CADPS2: variants seen among roughly 807,000 people sequenced by gnomAD.
CADPS2 encodes the protein calcium-dependent secretion activator 2.
Under a neutral mutation model 172.5 loss-of-function variants are expected in CADPS2, and 93 were observed. That is an observed-to-expected ratio of 0.54 (90% CI 0.46 to 0.64). The LOEUF (loss-of-function observed/expected upper bound fraction) is 0.64, where lower values mean the gene tolerates loss of function less well. Ranked by LOEUF, CADPS2 falls within the 30% of genes least tolerant of loss-of-function variation. CADPS2 has a pLI of 0.00. For missense variants in CADPS2, 1,420 were observed against 1,565.9 expected (o/e 0.91, Z 1.57); for synonymous variants, 546 against 555.2 (o/e 0.98, Z 0.23).
At chr7:122,538,224 C>T (rs11984359) in intron 8 of CADPS2, among the ~76,000 whole-genome samples, 2,305 of 151,148 alleles carry the variant, frequency 0.015, 59 homozygotes, top group African/African-American at 0.052. Context: ...GGTTAATATA[C>T]CTTTGATTCC....
intron 1 of CADPS2, among the ~76,000 whole-genome samples, chr7:122,836,420 C>G (rs971560636): frequency 6.6e-6 from 1 of 151,958 alleles, no homozygotes; most frequent in Non-Finnish European, 1.5e-5. Context: ...ATCAAATTCA[C>G]ACATAACAAT....
chr7:122,656,632 A>C (rs972132877), intron 3 of CADPS2, among the ~76,000 whole-genome samples: 1 of 152,122 alleles, frequency 6.6e-6, no homozygotes, highest in Non-Finnish European at 1.5e-5. Flanking sequence ...ACACTTTACC[A>C]CAATACCAAC....
intron 1 of CADPS2, chr7:122,850,330 C>T: frequency 2.3e-6 from 1 of 443,188 alleles, no homozygotes; most frequent in South Asian, 4.9e-5. Flanking sequence ...CAGACATGGA[C>T]TTCTCAGCCC....
At chr7:122,835,578 G>C (rs1237317698) in intron 1 of CADPS2, among the ~76,000 whole-genome samples, 1 of 152,180 alleles carries the variant, frequency 6.6e-6, no homozygotes, top group East Asian at 1.9e-4. Context: ...CCAGTGTAGA[G>C]AAGTCCTTAA....
At chr7:122,525,474 G>A (rs1474370979) in intron 8 of CADPS2, among the ~76,000 whole-genome samples, 1 of 152,174 alleles carries the variant, frequency 6.6e-6, no homozygotes, top group South Asian at 2.1e-4. Flanking sequence ...AGTCAAGGAG[G>A]CTTGTGGAGT....
intron 1 of CADPS2, among the ~76,000 whole-genome samples, chr7:122,775,518 A>T (rs1310703103): frequency 1.3e-5 from 2 of 152,186 alleles, no homozygotes; most frequent in Non-Finnish European, 2.9e-5. Flanking sequence ...AAATCTACCC[A>T]AACTTTGCCC....
intron 15 of CADPS2, among the ~76,000 whole-genome samples, chr7:122,449,788 T>A (rs2052801802): frequency 6.6e-6 from 1 of 152,184 alleles, no homozygotes; most frequent in Admixed American, 6.5e-5. Context: ...TAATGTAAAT[T>A]TACTGGCCTT....
chr7:122,509,252 A>T (rs1018695083), intron 9 of CADPS2, among the ~76,000 whole-genome samples: 5 of 152,144 alleles, frequency 3.3e-5, no homozygotes, highest in Admixed American at 6.6e-5. Context: ...GATCTTGATG[A>T]CATCCCACTA....
intron 1 of CADPS2, among the ~76,000 whole-genome samples, chr7:122,818,729 T>A (rs1041035850): frequency 3.3e-5 from 5 of 152,062 alleles, no homozygotes; most frequent in Non-Finnish European, 5.9e-5. Context: ...GCCCTCCCCA[T>A]CCTGCCCAGC....
At chr7:122,725,648 G>A (rs1054839199) in intron 2 of CADPS2, among the ~76,000 whole-genome samples, 1 of 146,604 alleles carries the variant, frequency 6.8e-6, no homozygotes, top group African/African-American at 2.5e-5. Flanking sequence ...TCAAAAAATG[G>A]CCAGGCACAG....
chr7:122,324,881 T>G (rs2033486540), intron 29 of CADPS2, among the ~76,000 whole-genome samples: 1 of 152,156 alleles, frequency 6.6e-6, no homozygotes, highest in African/African-American at 2.4e-5. Flanking sequence ...ATATGACATG[T>G]AATTTATTAG....
chr7:122,522,612 A>G (rs957211271), intron 8 of CADPS2, among the ~76,000 whole-genome samples: 1 of 152,158 alleles, frequency 6.6e-6, no homozygotes, highest in African/African-American at 2.4e-5. Context: ...ACAATAAATT[A>G]TTATTAACTA....
chr7:122,453,628 A>G (rs1220726534), intron 14 of CADPS2, among the ~76,000 whole-genome samples: 1 of 152,208 alleles, frequency 6.6e-6, no homozygotes, highest in Non-Finnish European at 1.5e-5. Flanking sequence ...CATTCTGCTG[A>G]TTTGACATAA....
chr7:122,710,025 C>A (rs1483513608), intron 2 of CADPS2, among the ~76,000 whole-genome samples: 1 of 144,198 alleles, frequency 6.9e-6, no homozygotes, highest in Non-Finnish European at 1.5e-5. Flanking sequence ...ATTGTGCACA[C>A]GTACCCTAAA....
chr7:122,832,831 T>G (rs1807009007), intron 1 of CADPS2, among the ~76,000 whole-genome samples: 1 of 152,232 alleles, frequency 6.6e-6, no homozygotes, highest in East Asian at 1.9e-4. Flanking sequence ...CCCCTTTTTC[T>G]ATGAAATGAA....
intron 1 of CADPS2, among the ~76,000 whole-genome samples, chr7:122,783,684 A>T (rs1208191948): frequency 6.6e-6 from 1 of 152,208 alleles, no homozygotes; most frequent in East Asian, 1.9e-4. Flanking sequence ...CAGTAAGATT[A>T]ATTAACAAAG....
Position 122,470,262 on chromosome 7 carries a change from G to A in CADPS2, c.2186+1113C>T, listed in dbSNP as rs1234139198. Among the ~76,000 whole-genome samples, 3 of 151,928 alleles carry A rather than the reference G, an allele frequency of 2.0e-5. No individual in the cohort carries two copies. The South Asian group carries it at 6.2e-4, about 32-fold the overall frequency. On this transcript the variant is annotated intron_variant, in intron 14 of 29. Coordinates refer to ENST00000449022, the MANE Select transcript of CADPS2 (RefSeq NM_017954.11). ...AGAAAAAAATGAAGGCCAGAATTAG[G>A]ATAAACAATGGAAATGTAAAAAAGA...
At chr7:122,860,260 ACT>A (rs1212877493) in intron 1 of CADPS2, among the ~76,000 whole-genome samples, 1 of 151,972 alleles carries the variant, frequency 6.6e-6, no homozygotes, top group Non-Finnish European at 1.5e-5. Flanking sequence ...ACAGGGTATC[ACT>A]CTGTTACCCA....
At chr7:122,702,010 C>T (rs1039499225) in intron 2 of CADPS2, 6 of 1,613,650 alleles carry the variant, frequency 3.7e-6, no homozygotes, top group Non-Finnish European at 4.2e-6. Context: ...ATTCCTCATC[C>T]CCTTCTTTGA....
Sources: gnomAD v4.1 joint callset for allele counts (sites outside exome capture counted in the v4.1 genomes callset) on GRCh38, gnomAD v4.1.1 for gene constraint, MANE v1.5 for transcripts, NCBI Gene and HGNC (gene_info 2026-07-23, HGNC 2026-07-21) for gene names.